Variants in CYP7B1 observed in about 807,000 individuals in gnomAD.
The protein encoded by CYP7B1 is cytochrome P450 family 7 subfamily B member 1, also known as cytochrome P450 7B1.
A neutral mutation model predicts 42.7 loss-of-function variants in CYP7B1; 29 were observed. The ratio of observed to expected loss-of-function variants is 0.68; its 90% CI spans 0.51 to 0.93. The LOEUF (loss-of-function observed/expected upper bound fraction) is 0.93, where lower values mean the gene tolerates loss of function less well. CYP7B1 is among the 40% of genes least tolerant of loss of function. CYP7B1 has a pLI of 0.00. For missense variants in CYP7B1, 655 were observed against 600.5 expected, an observed-to-expected ratio of 1.09 and a Z score of -0.95; for synonymous variants, 235 against 218.2, an observed-to-expected ratio of 1.08 and a Z score of -0.68.
intron 1 of CYP7B1, among the ~76,000 whole-genome samples, chr8:64,646,516 G>C (rs531132479): frequency 6.6e-6 from 1 of 152,318 alleles, no homozygotes; most frequent in Admixed American, 6.5e-5. Flanking sequence ...AGCTGCATTA[G>C]CCCCTAAGAA....
At chr8:64,716,025 C>T (rs939884442) in intron 1 of CYP7B1, among the ~76,000 whole-genome samples, 1 of 152,142 alleles carries the variant, frequency 6.6e-6, no homozygotes, top group African/African-American at 2.4e-5. Flanking sequence ...TTTTTATCTT[C>T]TCTAAGTGAA....
At chr8:64,798,038 T>TCACA (rs1258652786) in intron 1 of CYP7B1, among the ~76,000 whole-genome samples, 67 of 152,362 alleles carry the variant, frequency 4.4e-4, no homozygotes, top group African/African-American at 1.5e-3. Context: ...AGAGAGGCAC[T>TCACA]CAGAGTTATT....
chr8:64,714,402 A>T (rs1194811325), intron 1 of CYP7B1, among the ~76,000 whole-genome samples: 24 of 152,244 alleles, frequency 1.6e-4, no homozygotes, highest in Admixed American at 1.6e-3. Context: ...GTGACCCGCC[A>T]TTTAACCATG....
intron 1 of CYP7B1, among the ~76,000 whole-genome samples, chr8:64,746,246 T>C (rs1360013864): frequency 6.6e-6 from 1 of 152,082 alleles, no homozygotes; most frequent in African/African-American, 2.4e-5. Flanking sequence ...AAAATAATAA[T>C]ATAGCTTAAG....
chr8:64,657,051 C>T (rs964441154), intron 1 of CYP7B1, among the ~76,000 whole-genome samples: 1 of 151,382 alleles, frequency 6.6e-6, no homozygotes, highest in Non-Finnish European at 1.5e-5. Context: ...AAATGATTGG[C>T]TTTTATTAAA....
chr8:64,663,425 T>C (rs775933889), intron 1 of CYP7B1, among the ~76,000 whole-genome samples: 2 of 152,190 alleles, frequency 1.3e-5, no homozygotes, highest in East Asian at 1.9e-4. Flanking sequence ...CTCCGTAACA[T>C]GAGGGGGCTG....
rs2129630430 is a variant in CYP7B1, at chr8:64,624,471, T to C, written c.191A>G (p.Lys64Arg). 1.2e-6 allele frequency: 2 copies of C among 1,613,696 alleles called. No individual in the cohort carries two copies. Among genetic ancestry groups the C allele is most frequent in the Non-Finnish European group, 1.7e-6 (2 of 1,179,936 alleles). ...PYLGVVLNLRKDPLRFMKTLQ... is the reference protein window; with the variant it reads ...PYLGVVLNLRRDPLRFMKTLQ... Reference sequence around the variant, plus strand: ...TGTTTTCATGAACCTTAAGGGGTCTTTTCGTAAGTTCAGGACCACTCCAAG... The same window carrying C: ...TGTTTTCATGAACCTTAAGGGGTCTCTTCGTAAGTTCAGGACCACTCCAAG... Residue 64 changes from lysine to arginine, a missense_variant, in exon 2 of 6, where the codon AAA (lysine) becomes AGA (arginine). By Grantham distance (26) the Lys-to-Arg change is conservative. Transcript: ENST00000310193.
intron 2 of CYP7B1, among the ~76,000 whole-genome samples, chr8:64,620,820 T>A (rs1805520272): frequency 6.6e-6 from 1 of 152,200 alleles, no homozygotes; most frequent in African/African-American, 2.4e-5. Flanking sequence ...AGTTCAAACA[T>A]AACCATGGTC....
chr8:64,724,912 C>A (rs1252572564), intron 1 of CYP7B1, among the ~76,000 whole-genome samples: 1 of 152,198 alleles, frequency 6.6e-6, no homozygotes, highest in African/African-American at 2.4e-5. Context: ...TCTAACCTTC[C>A]CCTGTCTTTC....
At chr8:64,679,486 CAA>C (rs970984101) in intron 1 of CYP7B1, among the ~76,000 whole-genome samples, 1 of 152,156 alleles carries the variant, frequency 6.6e-6, no homozygotes, top group Non-Finnish European at 1.5e-5. Flanking sequence ...GCAAAAGGCT[CAA>C]GTCAGTAAAT....
chr8:64,722,052 T>G (rs1807244406), intron 1 of CYP7B1, among the ~76,000 whole-genome samples: 1 of 152,232 alleles, frequency 6.6e-6, no homozygotes, highest in Admixed American at 6.5e-5. Flanking sequence ...TTTCTTGTTA[T>G]CAGGAGGTTG....
At chr8:64,607,290 A>G (rs1416590992) in intron 4 of CYP7B1, among the ~76,000 whole-genome samples, 1 of 152,092 alleles carries the variant, frequency 6.6e-6, no homozygotes, top group Non-Finnish European at 1.5e-5. Flanking sequence ...CATGTTTCCA[A>G]AGTGGAAAGA....
intron 1 of CYP7B1, among the ~76,000 whole-genome samples, chr8:64,745,553 G>A (rs1157772483): frequency 6.6e-6 from 1 of 152,024 alleles, no homozygotes; most frequent in East Asian, 1.9e-4. Context: ...TTTCATGAAG[G>A]AAAATTACCA....
intron 1 of CYP7B1, among the ~76,000 whole-genome samples, chr8:64,753,319 G>C (rs1445276946): frequency 1.3e-5 from 2 of 152,150 alleles, no homozygotes; most frequent in Non-Finnish European, 2.9e-5. Flanking sequence ...TAAAATGTCT[G>C]TCTTCTTTGT....
intron 1 of CYP7B1, among the ~76,000 whole-genome samples, chr8:64,792,404 C>T (rs576888639): frequency 6.6e-5 from 10 of 152,140 alleles, no homozygotes; most frequent in African/African-American, 2.4e-4. Context: ...AATATTACTG[C>T]GAGGAAACAG....
At position 64,768,553 on chromosome 8, in the gene CYP7B1, C is replaced by T. The variant is rs144696110; in HGVS notation, c.122+29913G>A. 5.3e-5 allele frequency among the ~76,000 whole-genome samples: 8 copies of T among 152,290 alleles called. No homozygotes were observed. The East Asian group carries it at 1.5e-3, about 29-fold the overall frequency. On this transcript the variant is annotated intron_variant, in intron 1 of 5. Transcript: ENST00000310193. ...TGATAAACAATCATCGAGTTATTCA[C>T]ATATGAGAGAAAAAGAAAGAGATCG...
chr8:64,632,538 C>T (rs573147549), intron 1 of CYP7B1, among the ~76,000 whole-genome samples: 1 of 152,152 alleles, frequency 6.6e-6, no homozygotes, highest in Non-Finnish European at 1.5e-5. Context: ...ATGTACTGTA[C>T]ACCTCAAAAT....
At position 64,798,498 on chromosome 8, in the gene CYP7B1, G is replaced by A. The variant is rs571177831; in HGVS notation, c.90C>T (p.Leu30=). 1.4e-4 allele frequency: 210 copies of A among 1,512,028 alleles called. No homozygotes were observed. The highest frequency in any genetic ancestry group is 6.8e-4 in the Middle Eastern group (3 of 4,416). The allele number at this position is 1,512,028 out of a possible 1,614,324, so 93.7% of individuals were successfully genotyped here. Residue 30 remains leucine, a synonymous_variant, in exon 1 of 6, where the codon CTC becomes CTT. Coordinates refer to ENST00000310193, the MANE Select transcript of CYP7B1 (RefSeq NM_004820.5). ...PGLALAAALL[L]LALCLLVRRT... ...GCCGGACAAGCAAGCAGAGGGCCAGGAGCAGCAGGGCCGCGGCGAGGGCCA... is the reference window on the plus strand; with the variant it reads ...GCCGGACAAGCAAGCAGAGGGCCAGAAGCAGCAGGGCCGCGGCGAGGGCCA...
At chr8:64,745,604 C>T (rs999681260) in intron 1 of CYP7B1, among the ~76,000 whole-genome samples, 7 of 152,148 alleles carry the variant, frequency 4.6e-5, no homozygotes, top group Admixed American at 2.6e-4. Context: ...CCCCAGTCCC[C>T]TTAAACTGCA....
Sources: gnomAD v4.1 joint callset for allele counts (sites outside exome capture counted in the v4.1 genomes callset) on GRCh38, gnomAD v4.1.1 for gene constraint, MANE v1.5 for transcripts, NCBI Gene and HGNC (gene_info 2026-07-23, HGNC 2026-07-21) for gene names.